PREX2: variants seen among roughly 807,000 people sequenced by gnomAD.
The protein encoded by PREX2 is phosphatidylinositol-3,4,5-trisphosphate dependent Rac exchange factor 2.
Under a neutral mutation model 203.2 loss-of-function variants are expected in PREX2, and 107 were observed. That is an observed-to-expected ratio of 0.53 (90% CI 0.45 to 0.62). The LOEUF (loss-of-function observed/expected upper bound fraction) is 0.62, where lower values mean the gene tolerates loss of function less well. Ranked by LOEUF, PREX2 falls within the 20% of genes least tolerant of loss-of-function variation. The pLI, the probability that PREX2 is intolerant of heterozygous loss-of-function variation, is 0.00. For missense variants in PREX2, 1,777 were observed against 1,955.9 expected (o/e 0.91, Z 1.72); for synonymous variants, 672 against 663.6 (o/e 1.01, Z -0.19).
Position 68,114,808 on chromosome 8 carries a change from G to C in PREX2, c.3147-945G>C, listed in dbSNP as rs553150604. On this transcript the variant is annotated intron_variant, in intron 25 of 39. Transcript: ENST00000288368. Reference sequence around the variant, plus strand: ...GCCAAGACTCCTGTTTGTACGAGCAGGGAGACGGATAGACAATCCAATATT... The same window carrying C: ...GCCAAGACTCCTGTTTGTACGAGCACGGAGACGGATAGACAATCCAATATT... Among the ~76,000 whole-genome samples, 15 of 152,232 alleles carry C rather than the reference G, an allele frequency of 9.9e-5. 1 individual carries two copies. The South Asian group carries it at 2.9e-3, about 29-fold the overall frequency.
intron 30 of PREX2, among the ~76,000 whole-genome samples, chr8:68,124,099 A>G (rs1306850695): frequency 6.6e-6 from 1 of 152,168 alleles, no homozygotes; most frequent in Non-Finnish European, 1.5e-5. Flanking sequence ...TTGGGACGCA[A>G]AGTTGGTTCA....
At chr8:68,001,428 A>C (rs1279421638) in intron 1 of PREX2, among the ~76,000 whole-genome samples, 1 of 152,340 alleles carries the variant, frequency 6.6e-6, no homozygotes. Flanking sequence ...AGCTCTTATT[A>C]AAATGTCAAA....
At chr8:68,199,996 T>C (rs1347400424) in intron 37 of PREX2, among the ~76,000 whole-genome samples, 2 of 152,222 alleles carry the variant, frequency 1.3e-5, no homozygotes, top group Non-Finnish European at 2.9e-5. Context: ...GTAGGTTAGA[T>C]TCTATGTATG....
chr8:68,057,906 T>C (rs1041715226), intron 10 of PREX2, among the ~76,000 whole-genome samples: 1 of 152,210 alleles, frequency 6.6e-6, no homozygotes, highest in South Asian at 2.1e-4. Context: ...TGAAGAAGAA[T>C]AGGTTTTGCT....
intron 10 of PREX2, among the ~76,000 whole-genome samples, chr8:68,058,596 G>A (rs1808749408): frequency 7.3e-6 from 1 of 137,808 alleles, no homozygotes; most frequent in Non-Finnish European, 1.6e-5. Context: ...ACCACACCCG[G>A]CTGATTTTTT....
At chr8:68,189,054 G>A (rs1050915092) in intron 35 of PREX2, among the ~76,000 whole-genome samples, 3 of 152,108 alleles carry the variant, frequency 2.0e-5, no homozygotes, top group African/African-American at 7.2e-5. Context: ...ATAAGAATAG[G>A]TGAACAGGAG....
chr8:67,979,635 G>A lies in PREX2; in HGVS notation c.141+27100G>A, dbSNP rs796079006. Among the ~76,000 whole-genome samples the A allele has an allele frequency of 1.1e-4, 17 of 152,278 alleles. 2 individuals are homozygous for A. Among genetic ancestry groups the A allele is most frequent in the Admixed American group, 3.9e-4 (6 of 15,288 alleles). On this transcript the variant is annotated intron_variant, in intron 1 of 39. Coordinates refer to ENST00000288368, the MANE Select transcript of PREX2 (RefSeq NM_024870.4). ...TTATGGTTTGTGGTTTGTGTTTGTG[G>A]TTGTTAACTCTGAAGAATCAGGACA...
chr8:68,172,426 G>C (rs1335775921), intron 35 of PREX2, among the ~76,000 whole-genome samples: 1 of 152,210 alleles, frequency 6.6e-6, no homozygotes, highest in East Asian at 1.9e-4. Context: ...AGCCTCACAA[G>C]AGTTAAATTG....
rs1371639553 is a variant in PREX2, at chr8:68,234,069, T to G, written c.*2691T>G. On this transcript the variant is annotated 3_prime_UTR_variant, in exon 40 of 40. Coordinates refer to ENST00000288368, the MANE Select transcript of PREX2 (RefSeq NM_024870.4). ...ACAGTGTTGCAATCTGAAAAACTAT[T>G]TTGTATCATGTTCCTCCTCATCAAA... The G allele has an allele frequency of 1.3e-5, 2 of 152,340 alleles. No homozygotes were observed. The highest frequency in any genetic ancestry group is 4.8e-5 in the African/African-American group (2 of 41,582). 9.4% of individuals were successfully genotyped at this position (152,340 alleles called of 1,614,324 possible).
intron 24 of PREX2, chr8:68,109,099 A>G: frequency 2.3e-6 from 1 of 437,288 alleles, no homozygotes. Context: ...AATTTCAATC[A>G]GATAAGAGGA....
At chr8:68,023,711 TA>T (rs1310786054) in intron 4 of PREX2, among the ~76,000 whole-genome samples, 1 of 152,150 alleles carries the variant, frequency 6.6e-6, no homozygotes, top group Non-Finnish European at 1.5e-5. Flanking sequence ...ACTTACTTTT[TA>T]TTCCTTTGTT....
At chr8:68,021,066 A>G (rs745323204) in intron 3 of PREX2, among the ~76,000 whole-genome samples, 2 of 152,176 alleles carry the variant, frequency 1.3e-5, no homozygotes, top group Non-Finnish European at 2.9e-5. Flanking sequence ...TCTTTTGGTG[A>G]TAAGGCACTT....
chr8:68,120,594 T>C (rs1013507121), intron 29 of PREX2, among the ~76,000 whole-genome samples: 3 of 152,142 alleles, frequency 2.0e-5, no homozygotes, highest in African/African-American at 7.2e-5. Context: ...CGTAATGTCT[T>C]CTTGGCTGTT....
intron 35 of PREX2, among the ~76,000 whole-genome samples, chr8:68,177,868 T>C (rs1332899483): frequency 6.6e-6 from 1 of 152,136 alleles, no homozygotes; most frequent in East Asian, 1.9e-4. Flanking sequence ...TAGCTTCCAC[T>C]TACAAGTGAG....
At position 68,169,014 on chromosome 8, in the gene PREX2, T is replaced by C. The variant is rs144822962; in HGVS notation, c.4346+11578T>C. Among the ~76,000 whole-genome samples the C allele has an allele frequency of 1.1e-4, 16 of 152,228 alleles. 1 individual carries two copies. The South Asian group carries it at 2.7e-3, about 26-fold the overall frequency. On this transcript the variant is annotated intron_variant, in intron 35 of 39. Coordinates refer to ENST00000288368, the MANE Select transcript of PREX2 (RefSeq NM_024870.4). ...ACTCAAACTGGCATAAGTAAAATAC[T>C]GACTTGGCTCGTCTAACAGAGATAT...
chr8:68,128,105 G>GT (rs1229494796), intron 31 of PREX2, among the ~76,000 whole-genome samples: 2 of 152,114 alleles, frequency 1.3e-5, no homozygotes, highest in Non-Finnish European at 2.9e-5. Flanking sequence ...GAAATAGATC[G>GT]TAAAGATTGG....
At chr8:68,203,132 T>C (rs960462475) in intron 37 of PREX2, among the ~76,000 whole-genome samples, 1 of 152,106 alleles carries the variant, frequency 6.6e-6, no homozygotes, top group Non-Finnish European at 1.5e-5. Flanking sequence ...AATGCCACAC[T>C]ACATGGTTTT....
At chr8:68,181,324 C>G (rs1373593763) in intron 35 of PREX2, among the ~76,000 whole-genome samples, 1 of 152,122 alleles carries the variant, frequency 6.6e-6, no homozygotes, top group Non-Finnish European at 1.5e-5. Flanking sequence ...CTAGTGACAT[C>G]TTTCTAATGT....
At position 67,952,501 on chromosome 8, in the gene PREX2, G is replaced by A. The variant is rs375306652; in HGVS notation, c.107G>A (p.Arg36Gln). The A allele has an allele frequency of 1.2e-6, 2 of 1,609,962 alleles. No individual in the cohort carries two copies. Among genetic ancestry groups the A allele is most frequent in the African/African-American group, 1.3e-5 (1 of 74,828 alleles). ...CVLSELQKTE[R>Q]DYVGTLEFLV... ...CTCAGCGAGCTCCAGAAGACCGAGC[G>A]GGACTATGTGGGCACGCTGGAGTTC... The change falls in exon 1 of 40, where the codon CGG becomes CAG. Residue 36 changes from arginine to glutamine, a missense_variant. Coordinates refer to ENST00000288368, the MANE Select transcript of PREX2 (RefSeq NM_024870.4).
Sources: allele counts gnomAD v4.1 joint callset (sites outside exome capture counted in the v4.1 genomes callset), GRCh38; gene constraint gnomAD v4.1.1; transcripts MANE v1.5; gene names NCBI Gene and HGNC (gene_info 2026-07-23, HGNC 2026-07-21).